TMLHE: variants seen among roughly 807,000 people sequenced by gnomAD.
The protein encoded by TMLHE is trimethyllysine dioxygenase, mitochondrial.
TMLHE carries 18 observed loss-of-function variants against 25.7 expected under a neutral mutation model. The ratio of observed to expected loss-of-function variants is 0.70; its 90% confidence interval spans 0.48 to 1.04. TMLHE has a LOEUF of 1.04. Ranked by LOEUF, TMLHE falls within the 50% of genes least tolerant of loss-of-function variation. The probability of loss-of-function intolerance (pLI) is 0.00; values close to 1 mark genes in which losing one functional copy is unlikely to be tolerated. For synonymous variants in TMLHE, 105 were observed against 97.0 expected, an observed-to-expected ratio of 1.08 and a Z score of -0.49; for missense variants, 236 against 259.0, an observed-to-expected ratio of 0.91 and a Z score of 0.61.
chrX:155,557,881 A>G (rs782375690), intron 1 of TMLHE, among the ~76,000 whole-genome samples: 3 of 111,195 alleles, frequency 2.7e-5, no homozygotes, highest in Non-Finnish European at 5.7e-5. Context: ...TGATTCTCAA[A>G]CTTCACCCAC....
chrX:155,531,927 C>A (rs937932334), intron 2 of TMLHE, among the ~76,000 whole-genome samples: 9 of 111,069 alleles, frequency 8.1e-5, no homozygotes, highest in African/African-American at 3.0e-4. Flanking sequence ...AGCCTCTGGG[C>A]TATGGTGACC....
At chrX:155,513,602 G>T (rs982889373) in intron 4 of TMLHE, among the ~76,000 whole-genome samples, 3 of 110,078 alleles carry the variant, frequency 2.7e-5, no homozygotes, top group Non-Finnish European at 5.7e-5. Context: ...TGGGGGTCGA[G>T]GGGGTGTGTG....
chrX:155,506,979 A>G lies in TMLHE; in HGVS notation c.914T>C (p.Val305Ala). Residue 305 changes from valine (V) to alanine (A), a missense_variant, in exon 6 of 8, where the codon GTT becomes GCT. By Grantham distance (64) the Val-to-Ala change is moderately conservative. Coordinates refer to ENST00000334398, the MANE Select transcript of TMLHE (RefSeq NM_018196.4). Reference protein sequence around the residue: ...VPLKHEYIEDVGECHNHMIGI... With the variant: ...VPLKHEYIEDAGECHNHMIGI... ...AATCATGTGGTTGTGACATTCTCCA[A>G]CATCTTCAATATATTCATGCTTCAA... is the stretch of plus-strand genomic sequence containing the variant. The G allele has an allele frequency of 8.3e-7, 1 of 1,209,991 alleles. No homozygotes were observed.
At chrX:155,548,453 A>T (rs1448653374) in intron 1 of TMLHE, among the ~76,000 whole-genome samples, 2 of 110,710 alleles carry the variant, frequency 1.8e-5, no homozygotes, top group Non-Finnish European at 3.8e-5. Flanking sequence ...GACATCCTAC[A>T]GGCTGGGCAC....
chrX:155,548,535 G>GATCACCAGAAGTCAGGAGTTCAAGA (rs1491301815), intron 1 of TMLHE, among the ~76,000 whole-genome samples: 1 of 109,143 alleles, frequency 9.2e-6, no homozygotes, highest in East Asian at 2.9e-4. Flanking sequence ...GCAGTATGAG[G>GATCACCAGAAGTCAGGAGTTCAAGA]CCAGCCTGAC....
At chrX:155,574,325 G>A (rs1557343579) in intron 1 of TMLHE, among the ~76,000 whole-genome samples, 2 of 111,657 alleles carry the variant, frequency 1.8e-5, no homozygotes, top group Non-Finnish European at 3.8e-5. Context: ...ACTTGTCCCT[G>A]GGAGAACATG....
At chrX:155,511,017 C>G (rs112229096) in intron 5 of TMLHE, among the ~76,000 whole-genome samples, 1 of 111,283 alleles carries the variant, frequency 9.0e-6, no homozygotes, top group Non-Finnish European at 1.9e-5. Context: ...TGAGCATTTT[C>G]TCATGTGTTT....
At chrX:155,516,202 A>G (rs113497293) in intron 3 of TMLHE, among the ~76,000 whole-genome samples, 3 of 36,461 alleles carry the variant, frequency 8.2e-5, no homozygotes, top group African/African-American at 2.9e-4. Context: ...AGAGTGTGAT[A>G]TTCCCCTTCC....
intron 2 of TMLHE, among the ~76,000 whole-genome samples, chrX:155,532,982 T>A (rs1164529815): frequency 1.8e-5 from 2 of 111,617 alleles, no homozygotes; most frequent in African/African-American, 6.5e-5. Flanking sequence ...ATATGTCAAT[T>A]TGACTGGACC....
At chrX:155,512,343 A>G (rs1330318308) in intron 4 of TMLHE, among the ~76,000 whole-genome samples, 16 of 42,128 alleles carry the variant, frequency 3.8e-4, no homozygotes, top group East Asian at 8.2e-4. Context: ...AACAGTCCCC[A>G]GAGTGTGATG....
chrX:155,575,375 C>T lies in TMLHE; in HGVS notation c.-1-30098G>A, dbSNP rs1019443527. 3.6e-5 allele frequency among the ~76,000 whole-genome samples: 4 copies of T among 111,773 alleles called. No homozygotes were observed. In the South Asian group the frequency reaches 1.1e-3, roughly 31 times the overall value. On this transcript the variant is annotated intron_variant, in intron 1 of 7. Coordinates refer to ENST00000334398, the MANE Select transcript of TMLHE (RefSeq NM_018196.4). Reference sequence around the variant, plus strand: ...TGGAGGGACAAAATTCAATGCATATCGTAACATATGAGTCATTGGAGTCCA... The same window carrying T: ...TGGAGGGACAAAATTCAATGCATATTGTAACATATGAGTCATTGGAGTCCA...
intron 2 of TMLHE, among the ~76,000 whole-genome samples, chrX:155,535,213 A>C (rs1049560168): frequency 4.5e-5 from 5 of 112,153 alleles, no homozygotes; most frequent in African/African-American, 6.5e-5. Context: ...TACATGGCCC[A>C]AAAAAAGCCT....
intron 1 of TMLHE, among the ~76,000 whole-genome samples, chrX:155,584,644 A>G: frequency 9.0e-6 from 1 of 111,139 alleles, no homozygotes; most frequent in African/African-American, 3.3e-5. Context: ...CAATAAAAGA[A>G]CTCTCATCAG....
chrX:155,592,600 A>AGTT (rs1374906330), intron 1 of TMLHE, among the ~76,000 whole-genome samples: 4 of 112,151 alleles, frequency 3.6e-5, no homozygotes, highest in Non-Finnish European at 5.6e-5. Flanking sequence ...GCAGACAACT[A>AGTT]GATTTCTAGC....
At chrX:155,537,907 A>T (rs1341847712) in intron 2 of TMLHE, among the ~76,000 whole-genome samples, 1 of 111,926 alleles carries the variant, frequency 8.9e-6, no homozygotes, top group Non-Finnish European at 1.9e-5. Context: ...GTTTTGAAGT[A>T]TATATACATT....
At chrX:155,600,483 G>A (rs782306806) in intron 1 of TMLHE, among the ~76,000 whole-genome samples, 2 of 111,927 alleles carry the variant, frequency 1.8e-5, no homozygotes, top group East Asian at 5.6e-4. Context: ...AAGGGAATTG[G>A]TAGAGTCTTT....
intron 1 of TMLHE, among the ~76,000 whole-genome samples, chrX:155,548,608 A>AGGGTG (rs2067383281): frequency 9.2e-6 from 1 of 108,287 alleles, no homozygotes. Context: ...GGTGGCACAC[A>AGGGTG]CCTGTATTCC....
At chrX:155,531,911 A>T (rs782166231) in intron 2 of TMLHE, among the ~76,000 whole-genome samples, 1 of 111,388 alleles carries the variant, frequency 9.0e-6, no homozygotes, top group Admixed American at 9.5e-5. Context: ...ATAGACCCCA[A>T]TTGAGAGCCT....
chrX:155,611,214 C>T (rs2067818850), intron 1 of TMLHE, among the ~76,000 whole-genome samples: 1 of 111,221 alleles, frequency 9.0e-6, no homozygotes, highest in Non-Finnish European at 1.9e-5. Context: ...GCCTCTTATC[C>T]TGTAAATCTT....
Sources: gnomAD v4.1 joint callset for allele counts (sites outside exome capture counted in the v4.1 genomes callset) on GRCh38, gnomAD v4.1.1 for gene constraint, MANE v1.5 for transcripts, NCBI Gene and HGNC (gene_info 2026-07-23, HGNC 2026-07-21) for gene names.